Variants in SH3BGRL2 observed in about 807,000 individuals in gnomAD.
The protein encoded by SH3BGRL2 is SH3 domain binding glutamate rich protein like 2, also known as SH3 domain-binding glutamic acid-rich-like protein 2.
SH3BGRL2 carries 21 observed loss-of-function variants against 14.8 expected under a neutral mutation model. The ratio of observed to expected loss-of-function variants is 1.42; its 90% CI spans 1.01 to 2.05. The LOEUF (loss-of-function observed/expected upper bound fraction) is 2.05, where lower values mean the gene tolerates loss of function less well. SH3BGRL2 is among the 30% of genes most tolerant of loss of function. SH3BGRL2 has a pLI of 0.00. For synonymous variants in SH3BGRL2, 50 were observed against 47.8 expected, an observed-to-expected ratio of 1.05 and a Z score of -0.19; for missense variants, 147 against 130.8, an observed-to-expected ratio of 1.12 and a Z score of -0.61.
chr6:79,641,867 A>G (rs1425854016), intron 1 of SH3BGRL2, among the ~76,000 whole-genome samples: 1 of 152,210 alleles, frequency 6.6e-6, no homozygotes, highest in East Asian at 1.9e-4. Flanking sequence ...TAATTTTAGG[A>G]GAGATTTTAG....
At chr6:79,558,486 C>T in the SH3BGRL2 span, among the ~76,000 whole-genome samples, 14 of 152,182 alleles carry the variant, frequency 9.2e-5, no homozygotes, top group South Asian at 2.5e-3. Context: ...TATTTGAAGA[C>T]ATTTAAACAA....
At chr6:79,637,190 A>G (rs1768941759) in intron 1 of SH3BGRL2, among the ~76,000 whole-genome samples, 2 of 152,084 alleles carry the variant, frequency 1.3e-5, no homozygotes, top group South Asian at 4.2e-4. Flanking sequence ...ATCTAACCTC[A>G]GTTTTTCTAG....
chr6:79,568,825 T>C, the SH3BGRL2 span, among the ~76,000 whole-genome samples: 11 of 152,228 alleles, frequency 7.2e-5, no homozygotes, highest in African/African-American at 2.7e-4. Context: ...AGGCTTATTT[T>C]ATTTTTCTTA....
the SH3BGRL2 span, among the ~76,000 whole-genome samples, chr6:79,538,774 C>T: frequency 6.6e-6 from 1 of 152,198 alleles, no homozygotes; most frequent in African/African-American, 2.4e-5. Flanking sequence ...ATGAAACCAC[C>T]ATTTATTCAG....
chr6:79,545,033 T>C, the SH3BGRL2 span, among the ~76,000 whole-genome samples: 6 of 152,190 alleles, frequency 3.9e-5, no homozygotes, highest in Non-Finnish European at 5.9e-5. Context: ...TCCCTCTAGT[T>C]CTATTTCTGG....
chr6:79,693,303 A>G (rs1171962427), intron 2 of SH3BGRL2, among the ~76,000 whole-genome samples: 2 of 151,772 alleles, frequency 1.3e-5, no homozygotes, highest in African/African-American at 4.8e-5. Flanking sequence ...TCATCTGCAA[A>G]CAGGGACAAT....
the SH3BGRL2 span, among the ~76,000 whole-genome samples, chr6:79,619,706 G>T: frequency 1.3e-5 from 2 of 152,168 alleles, no homozygotes; most frequent in African/African-American, 4.8e-5. Flanking sequence ...ATCACCCTGA[G>T]CTTTTTCAAG....
intron 2 of SH3BGRL2, among the ~76,000 whole-genome samples, chr6:79,674,093 T>TGTAG (rs67768724): frequency 5.6e-5 from 5 of 89,054 alleles, no homozygotes; most frequent in African/African-American, 1.9e-4. Flanking sequence ...TGTGTATGTG[T>TGTAG]GTATGTATGT....
intron 2 of SH3BGRL2, among the ~76,000 whole-genome samples, chr6:79,691,973 CA>C (rs1226617110): frequency 6.6e-6 from 1 of 152,154 alleles, no homozygotes; most frequent in East Asian, 1.9e-4. Context: ...GTCCCACCAA[CA>C]GTGTAAAAGT....
chr6:79,665,412 A>G (rs1362028713), intron 1 of SH3BGRL2, among the ~76,000 whole-genome samples: 3 of 152,188 alleles, frequency 2.0e-5, no homozygotes, highest in African/African-American at 7.2e-5. Flanking sequence ...TATTATGGCA[A>G]CTATATAAAG....
At chr6:79,566,779 G>T in the SH3BGRL2 span, among the ~76,000 whole-genome samples, 1 of 151,752 alleles carries the variant, frequency 6.6e-6, no homozygotes, top group South Asian at 2.1e-4. Flanking sequence ...AGCTGGGCAT[G>T]GTGGCTACTC....
chr6:79,594,574 C>A, the SH3BGRL2 span, among the ~76,000 whole-genome samples: 1 of 151,938 alleles, frequency 6.6e-6, no homozygotes, highest in Non-Finnish European at 1.5e-5. Flanking sequence ...GCTCCCACAG[C>A]AATGGGTAGA....
chr6:79,661,580 T>C (rs1377056164), intron 1 of SH3BGRL2, among the ~76,000 whole-genome samples: 2 of 152,176 alleles, frequency 1.3e-5, no homozygotes, highest in Non-Finnish European at 2.9e-5. Context: ...ATAAGTGCGA[T>C]ATGGTGCTGA....
intron 1 of SH3BGRL2, among the ~76,000 whole-genome samples, chr6:79,668,384 G>A (rs569030718): frequency 7.9e-5 from 12 of 152,224 alleles, no homozygotes; most frequent in African/African-American, 2.4e-4. Flanking sequence ...AGATTTCCAC[G>A]GGTCATTGAG....
the SH3BGRL2 span, among the ~76,000 whole-genome samples, chr6:79,585,081 A>T: frequency 1.3e-5 from 2 of 151,988 alleles, no homozygotes. Flanking sequence ...ACAAAGGATA[A>T]TTTTAAATAA....
At chr6:79,658,646 G>A (rs941475865) in intron 1 of SH3BGRL2, among the ~76,000 whole-genome samples, 2 of 152,068 alleles carry the variant, frequency 1.3e-5, no homozygotes, top group Admixed American at 6.5e-5. Context: ...ATAATCCTTT[G>A]GGTATATACC....
chr6:79,662,977 G>A (rs12200156), intron 1 of SH3BGRL2, among the ~76,000 whole-genome samples: 14,999 of 152,104 alleles, frequency 0.099, 954 homozygotes, highest in Non-Finnish European at 0.14. Flanking sequence ...AAGTTCTCGT[G>A]CCATGGTTTT....
At chr6:79,684,261 C>T (rs1300375371) in intron 2 of SH3BGRL2, among the ~76,000 whole-genome samples, 3 of 152,146 alleles carry the variant, frequency 2.0e-5, no homozygotes, top group Non-Finnish European at 2.9e-5. Flanking sequence ...TCTCAAAGCT[C>T]AATCCAAAGG....
intron 1 of SH3BGRL2, among the ~76,000 whole-genome samples, chr6:79,657,000 G>A (rs1769432767): frequency 6.6e-6 from 1 of 152,174 alleles, no homozygotes; most frequent in African/African-American, 2.4e-5. Context: ...GTCTTTTGAA[G>A]CCTGATGAAT....
Sources: gnomAD v4.1 joint callset for allele counts (sites outside exome capture counted in the v4.1 genomes callset) on GRCh38, gnomAD v4.1.1 for gene constraint, MANE v1.5 for transcripts, NCBI Gene and HGNC (gene_info 2026-07-23, HGNC 2026-07-21) for gene names.